Variants in FBXW7 observed in about 807,000 individuals in gnomAD.
FBXW7 encodes F-box and WD repeat domain containing 7.
FBXW7 carries 11 observed loss-of-function variants against 86.3 expected under a neutral mutation model. The observed-to-expected ratio is 0.13, with a 90% CI of 0.08 to 0.21. FBXW7 has a LOEUF of 0.21. FBXW7 is among the 10% of genes least tolerant of loss of function. FBXW7 has a pLI of 1.00. For synonymous variants in FBXW7, 313 were observed against 297.9 expected, an observed-to-expected ratio of 1.05 and a Z score of -0.52; for missense variants, 488 against 847.4, an observed-to-expected ratio of 0.58 and a Z score of 5.27.
In FBXW7 at chr4:152,445,910, T is replaced by TAAAAAA. The variant is rs11457603; in HGVS notation, c.-119-33387_-119-33382dup. Reference sequence around the variant, plus strand: ...GGGTGACACAGCAAGACTCTGTCTTTAAAAAAAAAAAAAAAAAAAAAAAAA... The same window carrying TAAAAAA: ...GGGTGACACAGCAAGACTCTGTCTTTAAAAAAAAAAAAAAAAAAAAAAAAAAAAAAA... On this transcript the variant is annotated intron_variant, in intron 2 of 13. Transcript: ENST00000281708. 7.4e-4 allele frequency among the ~76,000 whole-genome samples: 74 copies of TAAAAAA among 100,656 alleles called. 1 individual carries two copies. The highest frequency in any genetic ancestry group is 9.2e-4 in the African/African-American group (31 of 33,634). The allele number at this position is 100,656 out of a possible 152,430, so 66.0% of individuals were successfully genotyped here.
intron 2 of FBXW7, among the ~76,000 whole-genome samples, chr4:152,500,053 C>T (rs1256923991): frequency 6.6e-6 from 1 of 152,172 alleles, no homozygotes; most frequent in African/African-American, 2.4e-5. Context: ...CTCCTCCAGC[C>T]TACAGACAAA....
At chr4:152,478,926 T>C (rs1177342625) in intron 2 of FBXW7, among the ~76,000 whole-genome samples, 3 of 152,116 alleles carry the variant, frequency 2.0e-5, no homozygotes, top group Non-Finnish European at 2.9e-5. Flanking sequence ...GCATAGTACT[T>C]TTCTAAGGTT....
intron 13 of FBXW7, 54 bp from the exon 14 acceptor site, chr4:152,323,203 T>C (rs1728699954): frequency 3.2e-6 from 5 of 1,550,002 alleles, no homozygotes; most frequent in Non-Finnish European, 4.4e-6. Context: ...GGCTATGAGT[T>C]AGTTACATTA....
intron 2 of FBXW7, among the ~76,000 whole-genome samples, chr4:152,487,024 T>C (rs779842188): frequency 4.6e-5 from 7 of 152,170 alleles, no homozygotes; most frequent in Non-Finnish European, 8.8e-5. Context: ...ATAACAATAA[T>C]GGATTTTAGT....
chr4:152,445,155 A>C (rs190875749), intron 2 of FBXW7, among the ~76,000 whole-genome samples: 2 of 152,228 alleles, frequency 1.3e-5, no homozygotes, highest in Non-Finnish European at 2.9e-5. Context: ...ACATTACTCC[A>C]AATAGTACAA....
chr4:152,481,947 T>C (rs1006722241), intron 2 of FBXW7, among the ~76,000 whole-genome samples: 4 of 152,188 alleles, frequency 2.6e-5, no homozygotes, highest in African/African-American at 9.6e-5. Flanking sequence ...ACATACTTAG[T>C]TGACAAAGCA....
At chr4:152,479,642 T>C (rs1410311922) in intron 2 of FBXW7, among the ~76,000 whole-genome samples, 2 of 152,138 alleles carry the variant, frequency 1.3e-5, no homozygotes, top group East Asian at 1.9e-4. Flanking sequence ...TCTAGAAACC[T>C]GACTGGATTG....
At chr4:152,382,096 TA>T in intron 4 of FBXW7, 1 of 845,924 alleles carries the variant, frequency 1.2e-6, no homozygotes, top group Non-Finnish European at 1.7e-6. Context: ...TAATTTTAAA[TA>T]AAAACTGAAA....
chr4:152,482,241 T>C (rs1744943930), intron 2 of FBXW7, among the ~76,000 whole-genome samples: 1 of 152,240 alleles, frequency 6.6e-6, no homozygotes, highest in Admixed American at 6.5e-5. Flanking sequence ...TTAGCAATTT[T>C]TAGCAATAAA....
At chr4:152,496,131 C>T (rs529553225) in intron 2 of FBXW7, among the ~76,000 whole-genome samples, 32 of 152,146 alleles carry the variant, frequency 2.1e-4, no homozygotes, top group African/African-American at 6.5e-4. Flanking sequence ...GAGCAGTGAC[C>T]ACACCACTGC....
At chr4:152,370,452 T>C (rs1733910396) in intron 4 of FBXW7, among the ~76,000 whole-genome samples, 1 of 151,838 alleles carries the variant, frequency 6.6e-6, no homozygotes, top group Admixed American at 6.6e-5. Context: ...GGGTGGGGAG[T>C]GCTACCTTTA....
chr4:152,488,393 T>C (rs563681074), intron 2 of FBXW7, among the ~76,000 whole-genome samples: 3 of 152,210 alleles, frequency 2.0e-5, no homozygotes, highest in East Asian at 3.9e-4. Flanking sequence ...AACATAATCA[T>C]GAATTGAAAT....
chr4:152,333,155 T>G (rs1163459232), intron 7 of FBXW7, among the ~76,000 whole-genome samples: 1 of 152,170 alleles, frequency 6.6e-6, no homozygotes, highest in Non-Finnish European at 1.5e-5. Context: ...TGACTCCAGA[T>G]CATTTTTGAT....
intron 4 of FBXW7, among the ~76,000 whole-genome samples, chr4:152,378,013 C>G (rs1025691757): frequency 6.6e-6 from 1 of 152,072 alleles, no homozygotes; most frequent in Non-Finnish European, 1.5e-5. Flanking sequence ...TTTATTAAAA[C>G]ACAGTCATGC....
chr4:152,534,950 A>G lies in FBXW7; in HGVS notation c.-129T>C, dbSNP rs1351903. On this transcript the variant is annotated 5_prime_UTR_variant, in exon 2 of 14. Coordinates refer to ENST00000281708, the MANE Select transcript of FBXW7 (RefSeq NM_001349798.2). ...TCCCGGGGCCACTCACACTTTTAGA[A>G]AAGAGCCGCGGCGCCGAGAAAGTGG... The G allele has an allele frequency of 0.48, 72,244 of 151,952 alleles. 20,456 individuals are homozygous for G. Among genetic ancestry groups the G allele is most frequent in the African/African-American group, 0.79 (32,854 of 41,474 alleles). 9.4% of individuals were successfully genotyped at this position (151,952 alleles called of 1,614,324 possible).
intron 6 of FBXW7, among the ~76,000 whole-genome samples, chr4:152,340,263 C>T (rs537240818): frequency 1.9e-4 from 29 of 152,146 alleles, no homozygotes; most frequent in South Asian, 4.1e-4. Flanking sequence ...GATGTTACTT[C>T]GTGTTATCTT....
At position 152,324,439 on chromosome 4, in the gene FBXW7, C is replaced by G. The variant is rs1183238907; in HGVS notation, c.1645-45G>C. On this transcript the variant is annotated intron_variant, in intron 12 of 13. Transcript: ENST00000281708. The stretch of plus-strand genomic sequence containing the variant: ...TTAGAATAGAAGTATGGATACTCTT[C>G]CTATCAATTACTGACCTTAATCCTA... 3 of 1,447,036 alleles carry G rather than the reference C, an allele frequency of 2.1e-6. No individual in the cohort carries two copies. In the Admixed American group the frequency reaches 5.9e-5, roughly 28 times the overall value. 89.6% of individuals were successfully genotyped at this position (1,447,036 alleles called of 1,614,324 possible).
At chr4:152,364,548 C>T (rs1733281437) in intron 4 of FBXW7, among the ~76,000 whole-genome samples, 1 of 152,152 alleles carries the variant, frequency 6.6e-6, no homozygotes, top group African/African-American at 2.4e-5. Flanking sequence ...ATGACTTCTT[C>T]ATTGAAAATT....
chr4:152,520,325 G>C lies in FBXW7; in HGVS notation c.-120+14616C>G, dbSNP rs545692242. On this transcript the variant is annotated intron_variant, in intron 2 of 13. Coordinates refer to ENST00000281708, the MANE Select transcript of FBXW7 (RefSeq NM_001349798.2). ...GCGGGCGCCTGTAGTCCCAGCTACT[G>C]GGGAGGCTGAGGCAGGAGAATGGCG... 5.3e-3 allele frequency among the ~76,000 whole-genome samples: 797 copies of C among 151,518 alleles called. 5 individuals carry two copies. Among genetic ancestry groups the C allele is most frequent in the Non-Finnish European group, 8.3e-3 (565 of 67,790 alleles).
Sources: allele counts gnomAD v4.1 joint callset (sites outside exome capture counted in the v4.1 genomes callset), GRCh38; gene constraint gnomAD v4.1.1; transcripts MANE v1.5; gene names NCBI Gene and HGNC (gene_info 2026-07-23, HGNC 2026-07-21).